RERE: variants seen among roughly 807,000 people sequenced by gnomAD.
RERE encodes the protein arginine-glutamic acid dipeptide repeats protein.
In RERE, 40 loss-of-function variants were observed where a neutral mutation model predicts 146.1. The ratio of observed to expected loss-of-function variants is 0.27; its 90% CI spans 0.21 to 0.36. RERE has a LOEUF of 0.36. Among genes scored for constraint, RERE ranks in the 10% least tolerant of loss-of-function variants. The pLI is 1.00. For synonymous variants in RERE, 1,003 were observed against 866.0 expected, an observed-to-expected ratio of 1.16 and a Z score of -2.78; for missense variants, 1,933 against 2,138.7, an observed-to-expected ratio of 0.90 and a Z score of 1.90.
intron 4 of RERE, among the ~76,000 whole-genome samples, chr1:8,561,350 T>C (rs1042138404): frequency 1.3e-5 from 2 of 152,144 alleles, no homozygotes; most frequent in Admixed American, 6.5e-5. Context: ...AGCTGTAATA[T>C]CCACAATCTT....
At chr1:8,360,041 T>G in intron 18 of RERE, 55 bp from the exon 19 acceptor site, 1 of 782,372 alleles carries the variant, frequency 1.3e-6, no homozygotes, top group Non-Finnish European at 2.0e-6. Flanking sequence ...ACCCCGGCCC[T>G]CCCTCCCACC....
intron 10 of RERE, among the ~76,000 whole-genome samples, chr1:8,494,493 G>A (rs916200747): frequency 2.6e-5 from 4 of 152,136 alleles, no homozygotes; most frequent in African/African-American, 9.7e-5. Context: ...TTGGGAGGTC[G>A]AGGTGGGAGG....
At chr1:8,769,136 T>C (rs1279476632) in intron 1 of RERE, among the ~76,000 whole-genome samples, 3 of 152,356 alleles carry the variant, frequency 2.0e-5, no homozygotes, top group African/African-American at 7.2e-5. Flanking sequence ...CCTCACATAG[T>C]AAATCATTGA....
chr1:8,538,223 A>G (rs1294070096), intron 7 of RERE, among the ~76,000 whole-genome samples: 1 of 152,146 alleles, frequency 6.6e-6, no homozygotes, highest in African/African-American at 2.4e-5. Flanking sequence ...ATTAACTTAC[A>G]TACTTACCTA....
chr1:8,402,386 C>G (rs955892470), intron 12 of RERE, among the ~76,000 whole-genome samples: 3 of 152,202 alleles, frequency 2.0e-5, no homozygotes, highest in Non-Finnish European at 4.4e-5. Context: ...TTTGTGTCTT[C>G]CCAGCTGAGG....
intron 11 of RERE, among the ~76,000 whole-genome samples, chr1:8,445,926 T>C: frequency 6.6e-6 from 1 of 151,864 alleles, no homozygotes; most frequent in Admixed American, 6.6e-5. Flanking sequence ...ATGTGGTGTT[T>C]GGTTTTCTGT....
chr1:8,683,031 CAAAA>C (rs71580039), intron 1 of RERE, among the ~76,000 whole-genome samples: 1 of 65,724 alleles, frequency 1.5e-5, no homozygotes, highest in Non-Finnish European at 2.6e-5. Flanking sequence ...CTGTCTTTAC[CAAAA>C]AAAAAAAAAA....
chr1:8,675,740 T>TACAC (rs1638826432), intron 1 of RERE, among the ~76,000 whole-genome samples: 2 of 133,942 alleles, frequency 1.5e-5, no homozygotes, highest in Admixed American at 1.5e-4. Flanking sequence ...CATACATATA[T>TACAC]ACATACATAC....
At chr1:8,419,429 C>T (rs879490899) in intron 12 of RERE, among the ~76,000 whole-genome samples, 1 of 152,174 alleles carries the variant, frequency 6.6e-6, no homozygotes, top group Non-Finnish European at 1.5e-5. Context: ...CTGCTATAAC[C>T]GCATGAATGA....
intron 12 of RERE, among the ~76,000 whole-genome samples, chr1:8,372,998 A>G (rs936952514): frequency 1.3e-5 from 2 of 152,158 alleles, no homozygotes; most frequent in East Asian, 1.9e-4. Flanking sequence ...TTATAAACAC[A>G]ATTTCTTTCC....
chr1:8,468,776 A>C (rs1246992338), intron 10 of RERE, among the ~76,000 whole-genome samples: 1 of 152,104 alleles, frequency 6.6e-6, no homozygotes, highest in African/African-American at 2.4e-5. Flanking sequence ...TCCCAGCTGC[A>C]GTCCCAGCTA....
chr1:8,361,582 GC>G, intron 17 of RERE, 92 bp from the exon 18 acceptor site: 1 of 1,507,136 alleles, frequency 6.6e-7, no homozygotes, highest in Non-Finnish European at 9.1e-7. Flanking sequence ...TAATGTTTGT[GC>G]AGATGAAGCA....
chr1:8,531,585 T>A (rs989275860), intron 7 of RERE, among the ~76,000 whole-genome samples: 1 of 152,242 alleles, frequency 6.6e-6, no homozygotes, highest in Non-Finnish European at 1.5e-5. Flanking sequence ...CCTCACATAT[T>A]TTCTTCTTCA....
chr1:8,678,930 A>G (rs892136482), intron 1 of RERE, among the ~76,000 whole-genome samples: 9 of 152,178 alleles, frequency 5.9e-5, no homozygotes, highest in Non-Finnish European at 1.2e-4. Flanking sequence ...TGTCCAGTAT[A>G]GTAGTCACTA....
chr1:8,629,909 A>G (rs1393331475), intron 2 of RERE, among the ~76,000 whole-genome samples: 2 of 152,202 alleles, frequency 1.3e-5, no homozygotes, highest in South Asian at 4.1e-4. Flanking sequence ...AGCACGCATG[A>G]ACAAAGACTT....
At chr1:8,485,743 T>C (rs1644890147) in intron 10 of RERE, among the ~76,000 whole-genome samples, 2 of 150,108 alleles carry the variant, frequency 1.3e-5, no homozygotes, top group Admixed American at 1.3e-4. Flanking sequence ...ACTTCAAATA[T>C]ATGAAGCAAA....
intron 1 of RERE, among the ~76,000 whole-genome samples, chr1:8,808,266 CAT>C (rs961364306): frequency 6.6e-6 from 1 of 151,526 alleles, no homozygotes; most frequent in Non-Finnish European, 1.5e-5. Flanking sequence ...TATTTAATCA[CAT>C]ATTGTTTTTA....
chr1:8,401,972 G>A (rs1643276982), intron 12 of RERE, among the ~76,000 whole-genome samples: 1 of 152,130 alleles, frequency 6.6e-6, no homozygotes, highest in East Asian at 1.9e-4. Flanking sequence ...TCAGGTTCAA[G>A]TGATTCTTCT....
intron 1 of RERE, among the ~76,000 whole-genome samples, chr1:8,694,797 C>T (rs1639287124): frequency 6.6e-6 from 1 of 151,606 alleles, no homozygotes; most frequent in African/African-American, 2.4e-5. Context: ...AATGGAAAAA[C>T]ATTTGATGCT....
Sources: allele counts gnomAD v4.1 joint callset (sites outside exome capture counted in the v4.1 genomes callset), GRCh38; gene constraint gnomAD v4.1.1; transcripts MANE v1.5; gene names NCBI Gene and HGNC (gene_info 2026-07-23, HGNC 2026-07-21).